Variants in MARCHF1 observed in about 807,000 individuals in gnomAD.
MARCHF1 encodes membrane associated ring-CH-type finger 1, also known as E3 ubiquitin-protein ligase MARCHF1.
Under a neutral mutation model 54.2 loss-of-function variants are expected in MARCHF1, and 40 were observed. That is an observed-to-expected ratio of 0.74 (90% CI 0.57 to 0.96). The LOEUF is 0.96. Ranked by LOEUF, MARCHF1 falls within the 40% of genes least tolerant of loss-of-function variation. The pLI, the probability that MARCHF1 is intolerant of heterozygous loss-of-function variation, is 0.00. For missense variants in MARCHF1, 586 were observed against 656.5 expected, an observed-to-expected ratio of 0.89 and a Z score of 1.17; for synonymous variants, 236 against 236.3, an observed-to-expected ratio of 1.00 and a Z score of 0.01.
At chr4:163,987,089 G>A (rs1752884169) in intron 3 of MARCHF1, among the ~76,000 whole-genome samples, 1 of 152,126 alleles carries the variant, frequency 6.6e-6, no homozygotes, top group Non-Finnish European at 1.5e-5. Flanking sequence ...ATTGATCAGT[G>A]TACCCCACCT....
chr4:164,071,800 C>G (rs1392479223), intron 2 of MARCHF1, among the ~76,000 whole-genome samples: 2 of 152,122 alleles, frequency 1.3e-5, no homozygotes, highest in Non-Finnish European at 2.9e-5. Flanking sequence ...TAAGTATACA[C>G]TTACCACACG....
chr4:163,862,810 A>G (rs1422136044), intron 3 of MARCHF1, among the ~76,000 whole-genome samples: 1 of 152,128 alleles, frequency 6.6e-6, no homozygotes. Flanking sequence ...ACTGGAAGCA[A>G]CAAACATGCC....
intron 4 of MARCHF1, among the ~76,000 whole-genome samples, chr4:163,718,024 C>A (rs1745320695): frequency 6.6e-6 from 1 of 152,128 alleles, no homozygotes; most frequent in Non-Finnish European, 1.5e-5. Flanking sequence ...TAATCTCTGA[C>A]AAACCTGACA....
intron 1 of MARCHF1, among the ~76,000 whole-genome samples, chr4:164,160,358 C>T (rs1321486612): frequency 1.3e-5 from 2 of 151,982 alleles, no homozygotes; most frequent in Non-Finnish European, 2.9e-5. Context: ...ATGCTATAGG[C>T]AACTGGAACA....
At chr4:164,123,284 A>G (rs1195698463) in intron 1 of MARCHF1, among the ~76,000 whole-genome samples, 1 of 152,142 alleles carries the variant, frequency 6.6e-6, no homozygotes, top group Non-Finnish European at 1.5e-5. Flanking sequence ...AAAACTGTAA[A>G]ACACTGATGA....
At chr4:163,776,072 T>C (rs1033129024) in intron 4 of MARCHF1, among the ~76,000 whole-genome samples, 2 of 152,090 alleles carry the variant, frequency 1.3e-5, no homozygotes, top group Admixed American at 1.3e-4. Context: ...GAGAGAAAAA[T>C]AGAAACCAGC....
intron 4 of MARCHF1, among the ~76,000 whole-genome samples, chr4:163,834,443 ATC>A (rs1471782871): frequency 1.3e-5 from 2 of 152,084 alleles, no homozygotes; most frequent in Non-Finnish European, 2.9e-5. Context: ...CACATATTGG[ATC>A]TTTTTTAAAA....
rs545753491 is a variant in MARCHF1, at chr4:164,241,668, G to A, written c.-322-130006C>T. ...ACAGCTCCGGTCTACAGCTCCCAGC[G>A]TGAGCTACGCAGAAGACGGGTGATT... On this transcript the variant is annotated intron_variant, in intron 1 of 9. Transcript: ENST00000514618. Among the ~76,000 whole-genome samples, 290 of 151,984 alleles carry A rather than the reference G, an allele frequency of 1.9e-3. 2 individuals are homozygous for A. Among genetic ancestry groups the A allele is most frequent in the Non-Finnish European group, 1.8e-3 (121 of 67,932 alleles).
intron 1 of MARCHF1, chr4:164,190,232 G>A: frequency 7.6e-7 from 1 of 1,312,536 alleles, no homozygotes; most frequent in Non-Finnish European, 1.1e-6. Flanking sequence ...AAGCTAACAA[G>A]AAGGAACTGG....
chr4:164,164,905 C>T (rs956760282), intron 1 of MARCHF1, among the ~76,000 whole-genome samples: 6 of 151,998 alleles, frequency 3.9e-5, no homozygotes, highest in Admixed American at 3.3e-4. Flanking sequence ...AATTCCTTCT[C>T]TCCCTGACCC....
intron 4 of MARCHF1, among the ~76,000 whole-genome samples, chr4:163,715,849 T>A (rs1159144390): frequency 6.6e-6 from 1 of 152,110 alleles, no homozygotes; most frequent in Non-Finnish European, 1.5e-5. Flanking sequence ...AAAAACGTAA[T>A]GAATTTTCAA....
At chr4:163,656,960 G>GC (rs1409134742) in intron 5 of MARCHF1, among the ~76,000 whole-genome samples, 1 of 152,050 alleles carries the variant, frequency 6.6e-6, no homozygotes, top group Non-Finnish European at 1.5e-5. Context: ...TACTGAATAG[G>GC]CAAATGCTGG....
At chr4:164,233,381 A>G (rs1484810460) in intron 1 of MARCHF1, among the ~76,000 whole-genome samples, 1 of 152,150 alleles carries the variant, frequency 6.6e-6, no homozygotes, top group Admixed American at 6.6e-5. Flanking sequence ...ATTTTTCTCA[A>G]TGCCCTGAAT....
intron 1 of MARCHF1, among the ~76,000 whole-genome samples, chr4:164,173,575 G>C (rs2110984073): frequency 6.6e-6 from 1 of 152,290 alleles, no homozygotes; most frequent in Non-Finnish European, 1.5e-5. Context: ...GGTCATGGGG[G>C]TAAATGACTC....
At chr4:163,891,465 C>T (rs1379226269) in intron 3 of MARCHF1, among the ~76,000 whole-genome samples, 1 of 151,914 alleles carries the variant, frequency 6.6e-6, no homozygotes, top group Non-Finnish European at 1.5e-5. Flanking sequence ...TAAAGCTACA[C>T]CATTTTTTTT....
At chr4:164,050,405 A>ATTCACCCTTCT (rs1254422111) in intron 2 of MARCHF1, among the ~76,000 whole-genome samples, 3 of 149,872 alleles carry the variant, frequency 2.0e-5, no homozygotes, top group African/African-American at 7.4e-5. Flanking sequence ...CAGATATTTC[A>ATTCACCCTTCT]TTCACCCTTC....
intron 4 of MARCHF1, among the ~76,000 whole-genome samples, chr4:163,758,958 A>G (rs938581572): frequency 6.6e-6 from 1 of 152,208 alleles, no homozygotes; most frequent in Admixed American, 6.5e-5. Flanking sequence ...GCTTCTTATT[A>G]CTAGTATTAT....
chr4:163,967,710 A>C (rs1348271154), intron 3 of MARCHF1, among the ~76,000 whole-genome samples: 1 of 152,176 alleles, frequency 6.6e-6, no homozygotes, highest in Non-Finnish European at 1.5e-5. Context: ...TGATATGTAC[A>C]TAAAGAGAGG....
chr4:163,577,475 G>A (rs755343684), intron 8 of MARCHF1, among the ~76,000 whole-genome samples: 6 of 151,976 alleles, frequency 3.9e-5, no homozygotes, highest in Non-Finnish European at 7.4e-5. Flanking sequence ...GTTATCTTTT[G>A]TATGTAATCT....
Sources: allele counts gnomAD v4.1 joint callset (sites outside exome capture counted in the v4.1 genomes callset), GRCh38; gene constraint gnomAD v4.1.1; transcripts MANE v1.5; gene names NCBI Gene and HGNC (gene_info 2026-07-23, HGNC 2026-07-21).